The following ST6GALNAC3 variants were observed in gnomAD, a reference collection of about 807,000 sequenced individuals.
ST6GALNAC3 encodes the protein alpha-N-acetylgalactosaminide alpha-2,6-sialyltransferase 3.
A neutral mutation model predicts 32.7 loss-of-function variants in ST6GALNAC3; 25 were observed. The observed-to-expected ratio is 0.76, with a 90% CI of 0.56 to 1.07. The LOEUF is 1.07. Among genes scored for constraint, ST6GALNAC3 ranks in the 50% least tolerant of loss-of-function variants. The probability of loss-of-function intolerance (pLI) is 0.00; values close to 1 mark genes in which losing one functional copy is unlikely to be tolerated. For synonymous variants in ST6GALNAC3, 129 were observed against 133.1 expected (o/e 0.97, Z 0.21); for missense variants, 355 against 382.4 (o/e 0.93, Z 0.60).
At chr1:76,565,770 C>T (rs558288880) in intron 3 of ST6GALNAC3, among the ~76,000 whole-genome samples, 1 of 152,172 alleles carries the variant, frequency 6.6e-6, no homozygotes, top group African/African-American at 2.4e-5. Context: ...TCACTCTCCC[C>T]CTGCCGCTGC....
chr1:76,484,495 G>A (rs1157832042), intron 3 of ST6GALNAC3, among the ~76,000 whole-genome samples: 2 of 152,148 alleles, frequency 1.3e-5, no homozygotes, highest in Non-Finnish European at 2.9e-5. Context: ...TTGTGAATGG[G>A]AGTTCACTCA....
chr1:76,102,844 C>T (rs1647282495), intron 1 of ST6GALNAC3, among the ~76,000 whole-genome samples: 1 of 151,982 alleles, frequency 6.6e-6, no homozygotes, highest in Non-Finnish European at 1.5e-5. Flanking sequence ...TGGGAGCACT[C>T]TCTTTTTGCC....
chr1:76,467,358 A>C (rs1213816046), intron 3 of ST6GALNAC3, among the ~76,000 whole-genome samples: 1 of 152,022 alleles, frequency 6.6e-6, no homozygotes, highest in Non-Finnish European at 1.5e-5. Context: ...GCCATAGGAC[A>C]GAAGAAAATG....
At chr1:76,549,927 T>C (rs960627021) in intron 3 of ST6GALNAC3, among the ~76,000 whole-genome samples, 1 of 152,172 alleles carries the variant, frequency 6.6e-6, no homozygotes, top group Non-Finnish European at 1.5e-5. Flanking sequence ...TCCCTGACAA[T>C]GAGGAAGGTC....
At chr1:76,211,860 C>T (rs1429971538) in intron 1 of ST6GALNAC3, among the ~76,000 whole-genome samples, 1 of 152,050 alleles carries the variant, frequency 6.6e-6, no homozygotes, top group Admixed American at 6.5e-5. Context: ...GGGTGCAGCA[C>T]ACCAACATGG....
chr1:76,547,274 C>T (rs1188514965), intron 3 of ST6GALNAC3, among the ~76,000 whole-genome samples: 1 of 152,168 alleles, frequency 6.6e-6, no homozygotes. Flanking sequence ...TCAGACAACC[C>T]ATTCCTTAGC....
At chr1:76,420,916 C>T (rs1457803974) in intron 3 of ST6GALNAC3, among the ~76,000 whole-genome samples, 1 of 152,022 alleles carries the variant, frequency 6.6e-6, no homozygotes. Flanking sequence ...GGGTTATGGA[C>T]TTCCTTGTTA....
intron 1 of ST6GALNAC3, among the ~76,000 whole-genome samples, chr1:76,187,272 G>A (rs4949697): frequency 2.0e-5 from 3 of 152,074 alleles, no homozygotes; most frequent in South Asian, 4.1e-4. Flanking sequence ...TACCTTGGTT[G>A]TTTTCCATCC....
chr1:76,247,262 G>A (rs1389178828), intron 1 of ST6GALNAC3, among the ~76,000 whole-genome samples: 1 of 152,206 alleles, frequency 6.6e-6, no homozygotes, highest in Non-Finnish European at 1.5e-5. Flanking sequence ...GTCTCTCACA[G>A]TCAGGAGACA....
At chr1:76,262,011 C>A (rs529462721) in intron 1 of ST6GALNAC3, among the ~76,000 whole-genome samples, 2 of 152,128 alleles carry the variant, frequency 1.3e-5, no homozygotes, top group Admixed American at 6.5e-5. Context: ...CTTATAGAGA[C>A]CTTGCCTCAC....
At chr1:76,118,608 G>A (rs1269910719) in intron 1 of ST6GALNAC3, among the ~76,000 whole-genome samples, 1 of 152,124 alleles carries the variant, frequency 6.6e-6, no homozygotes, top group Non-Finnish European at 1.5e-5. Flanking sequence ...ATGACCTAGG[G>A]CATTCTTTGG....
intron 3 of ST6GALNAC3, among the ~76,000 whole-genome samples, chr1:76,614,997 G>A (rs1648202816): frequency 6.6e-6 from 1 of 151,992 alleles, no homozygotes; most frequent in Non-Finnish European, 1.5e-5. Flanking sequence ...GGAAATAGTA[G>A]TAAGACTGTG....
chr1:76,477,777 T>G (rs1659450364), intron 3 of ST6GALNAC3, among the ~76,000 whole-genome samples: 1 of 152,122 alleles, frequency 6.6e-6, no homozygotes, highest in Admixed American at 6.5e-5. Context: ...ATTTACCCAC[T>G]CAATACAGAT....
At chr1:76,116,110 T>C (rs1012149233) in intron 1 of ST6GALNAC3, among the ~76,000 whole-genome samples, 1 of 151,542 alleles carries the variant, frequency 6.6e-6, no homozygotes, top group African/African-American at 2.4e-5. Flanking sequence ...CCTGAGGGAG[T>C]CTAAGTGGAA....
At chr1:76,209,704 A>G (rs1655030946) in intron 1 of ST6GALNAC3, among the ~76,000 whole-genome samples, 1 of 152,198 alleles carries the variant, frequency 6.6e-6, no homozygotes, top group Admixed American at 6.5e-5. Flanking sequence ...TAAAGAACCA[A>G]TTGACATTTG....
intron 3 of ST6GALNAC3, among the ~76,000 whole-genome samples, chr1:76,504,267 G>C (rs551260336): frequency 9.2e-5 from 14 of 152,192 alleles, no homozygotes; most frequent in African/African-American, 3.1e-4. Flanking sequence ...TCTTCACATG[G>C]AATTTCCCTG....
At chr1:76,248,427 CTG>C (rs1331273391) in intron 1 of ST6GALNAC3, among the ~76,000 whole-genome samples, 3 of 152,146 alleles carry the variant, frequency 2.0e-5, no homozygotes, top group African/African-American at 7.2e-5. Flanking sequence ...TCTAAGGAAA[CTG>C]AGAGCAGTTA....
chr1:76,085,828 A>G (rs540046619), intron 1 of ST6GALNAC3, among the ~76,000 whole-genome samples: 2 of 152,230 alleles, frequency 1.3e-5, no homozygotes, highest in Non-Finnish European at 1.5e-5. Context: ...ATTCAAACCC[A>G]TGCATTCCCC....
chr1:76,154,893 T>C (rs1173029545), intron 1 of ST6GALNAC3, among the ~76,000 whole-genome samples: 1 of 152,218 alleles, frequency 6.6e-6, no homozygotes, highest in East Asian at 1.9e-4. Context: ...TCCGGGTTTT[T>C]AGGTCATCTG....
Sources: gnomAD v4.1 joint callset for allele counts (sites outside exome capture counted in the v4.1 genomes callset) on GRCh38, gnomAD v4.1.1 for gene constraint, MANE v1.5 for transcripts, NCBI Gene and HGNC (gene_info 2026-07-23, HGNC 2026-07-21) for gene names.